Variants in RNF150 observed in about 807,000 individuals in gnomAD.
RNF150 encodes ring finger protein 150.
Under a neutral mutation model 39.3 loss-of-function variants are expected in RNF150, and 24 were observed. The observed-to-expected ratio is 0.61, with a 90% CI of 0.44 to 0.86. RNF150 has a LOEUF of 0.86. Among genes scored for constraint, RNF150 ranks in the 40% least tolerant of loss-of-function variants. The pLI is 0.00. For synonymous variants in RNF150, 255 were observed against 227.3 expected (o/e 1.12, Z -1.10); for missense variants, 502 against 587.8 (o/e 0.85, Z 1.51).
At chr4:140,885,390 T>A (rs916306645) in intron 6 of RNF150, among the ~76,000 whole-genome samples, 2 of 142,634 alleles carry the variant, frequency 1.4e-5, no homozygotes, top group African/African-American at 5.1e-5. Flanking sequence ...TTATATATAA[T>A]ATATTATAAA....
chr4:140,944,217 T>G (rs1405716265), intron 4 of RNF150, among the ~76,000 whole-genome samples: 1 of 152,168 alleles, frequency 6.6e-6, no homozygotes, highest in Non-Finnish European at 1.5e-5. Context: ...ATACTAACCT[T>G]AGATACAAAA....
At chr4:140,926,387 A>G (rs760620662) in intron 4 of RNF150, among the ~76,000 whole-genome samples, 13 of 152,200 alleles carry the variant, frequency 8.5e-5, no homozygotes, top group Non-Finnish European at 1.6e-4. Context: ...AAATAATGCA[A>G]GTGGGGAAAC....
At chr4:141,184,471 T>C (rs970675721) in intron 1 of RNF150, among the ~76,000 whole-genome samples, 1 of 152,246 alleles carries the variant, frequency 6.6e-6, no homozygotes, top group Non-Finnish European at 1.5e-5. Flanking sequence ...ACTCTGATGA[T>C]AGTTTCTTTT....
intron 6 of RNF150, among the ~76,000 whole-genome samples, chr4:140,872,329 T>A (rs1220499853): frequency 6.6e-6 from 1 of 152,220 alleles, no homozygotes; most frequent in Non-Finnish European, 1.5e-5. Flanking sequence ...ATACAACCAC[T>A]CTTTGATGTA....
chr4:141,141,216 T>C (rs1727112387), intron 1 of RNF150, among the ~76,000 whole-genome samples: 1 of 152,242 alleles, frequency 6.6e-6, no homozygotes, highest in Non-Finnish European at 1.5e-5. Context: ...ACTGAATTAG[T>C]AGAGCAGTAC....
chr4:141,152,047 T>TGTCATTTGA lies in RNF150; in HGVS notation c.-6+60738_-6+60746dup, dbSNP rs1180091404. Among the ~76,000 whole-genome samples the TGTCATTTGA allele has an allele frequency of 1.7e-4, 26 of 152,294 alleles. No homozygotes were observed. In the East Asian group the frequency reaches 4.8e-3, roughly 28 times the overall value. On this transcript the variant is annotated intron_variant, in intron 1 of 7. Transcript: ENST00000420921. ...TGGAGTTCAGTAACAGCGATAAAAT[T>TGTCATTTGA]GTCATTTGATCAATTTTAACAATGG... is the stretch of plus-strand genomic sequence containing the variant.
At chr4:141,196,564 G>T (rs1006398676) in intron 1 of RNF150, among the ~76,000 whole-genome samples, 7 of 152,158 alleles carry the variant, frequency 4.6e-5, no homozygotes, top group African/African-American at 1.7e-4. Context: ...CCACTACATT[G>T]TTTCTCAAGT....
chr4:141,016,912 T>C (rs1735298417), intron 1 of RNF150, among the ~76,000 whole-genome samples: 1 of 152,204 alleles, frequency 6.6e-6, no homozygotes, highest in Admixed American at 6.5e-5. Flanking sequence ...CCTCAACAGT[T>C]ATCTTGAAAT....
chr4:141,122,986 C>CT (rs1386557410), intron 1 of RNF150, among the ~76,000 whole-genome samples: 1 of 152,136 alleles, frequency 6.6e-6, no homozygotes, highest in Non-Finnish European at 1.5e-5. Context: ...ACTAGTATGC[C>CT]TTTTTCCCCT....
chr4:141,167,702 C>T (rs764565176), intron 1 of RNF150, among the ~76,000 whole-genome samples: 14 of 152,268 alleles, frequency 9.2e-5, no homozygotes, highest in East Asian at 3.9e-4. Flanking sequence ...AAAAAATTCC[C>T]TATTTAGTAA....
chr4:140,869,860 G>T (rs1269912692), intron 6 of RNF150, among the ~76,000 whole-genome samples: 1 of 152,010 alleles, frequency 6.6e-6, no homozygotes, highest in Non-Finnish European at 1.5e-5. Context: ...AATATGGACA[G>T]AGGAGGCCAG....
intron 1 of RNF150, among the ~76,000 whole-genome samples, chr4:141,176,250 T>G (rs1560768884): frequency 6.6e-6 from 1 of 152,118 alleles, no homozygotes; most frequent in African/African-American, 2.4e-5. Context: ...TCCAACCTTA[T>G]GGTATCATCT....
chr4:141,051,342 T>G (rs954393276), intron 1 of RNF150, among the ~76,000 whole-genome samples: 1 of 152,218 alleles, frequency 6.6e-6, no homozygotes, highest in Non-Finnish European at 1.5e-5. Flanking sequence ...CCTCATTACT[T>G]ATGCAAATTT....
intron 1 of RNF150, among the ~76,000 whole-genome samples, chr4:141,180,963 A>G (rs762607212): frequency 4.1e-4 from 62 of 152,192 alleles, no homozygotes; most frequent in African/African-American, 1.2e-3. Context: ...CAAGGGAATC[A>G]TTATGGTGAG....
At chr4:141,029,114 T>C (rs1735828274) in intron 1 of RNF150, among the ~76,000 whole-genome samples, 1 of 152,194 alleles carries the variant, frequency 6.6e-6, no homozygotes, top group Non-Finnish European at 1.5e-5. Context: ...AAGTTAACTA[T>C]ATATAACTTG....
chr4:141,108,398 A>G (rs1020686172), intron 1 of RNF150, among the ~76,000 whole-genome samples: 9 of 152,328 alleles, frequency 5.9e-5, no homozygotes, highest in African/African-American at 2.2e-4. Context: ...GTACTGGTAC[A>G]TTATCAATAT....
chr4:141,131,107 A>C lies in RNF150; in HGVS notation c.484+1218T>G, dbSNP rs75170574. Reference sequence around the variant, plus strand: ...TTGATTACTGGAGGCAAACCAATTGAATATTTCACTAATAGGTGACATGAG... The same window carrying C: ...TTGATTACTGGAGGCAAACCAATTGCATATTTCACTAATAGGTGACATGAG... On this transcript the variant is annotated intron_variant, in intron 1 of 6. Coordinates refer to ENST00000515673, the MANE Select transcript of RNF150 (RefSeq NM_020724.2). Among the ~76,000 whole-genome samples, 1,241 of 152,330 alleles carry C rather than the reference A, an allele frequency of 8.1e-3. 18 individuals are homozygous for C. Among genetic ancestry groups the C allele is most frequent in the African/African-American group, 0.028 (1,156 of 41,582 alleles).
chr4:140,899,974 C>CTGTGTG (rs71852763), intron 6 of RNF150, among the ~76,000 whole-genome samples: 8 of 69,218 alleles, frequency 1.2e-4, no homozygotes, highest in African/African-American at 3.4e-4. Context: ...CTCTCTCTCT[C>CTGTGTG]TGTGTGTGTG....
chr4:141,094,146 A>C (rs575319567), intron 1 of RNF150, among the ~76,000 whole-genome samples: 7 of 152,330 alleles, frequency 4.6e-5, no homozygotes, highest in Non-Finnish European at 8.8e-5. Context: ...ATATAAAATG[A>C]AAATATTCAA....
Sources: gnomAD v4.1 joint callset for allele counts (sites outside exome capture counted in the v4.1 genomes callset) on GRCh38, gnomAD v4.1.1 for gene constraint, MANE v1.5 for transcripts, NCBI Gene and HGNC (gene_info 2026-07-23, HGNC 2026-07-21) for gene names.